Variants in DIABLO observed in about 807,000 individuals in gnomAD.
DIABLO encodes the protein diablo homolog, mitochondrial.
A neutral mutation model predicts 31.7 loss-of-function variants in DIABLO; 32 were observed. That is an observed-to-expected ratio of 1.01 (90% CI 0.76 to 1.35). DIABLO has a LOEUF of 1.35. Ranked by LOEUF, DIABLO falls within the 40% of genes most tolerant of loss-of-function variation. The pLI, the probability that DIABLO is intolerant of heterozygous loss-of-function variation, is 0.00. For missense variants in DIABLO, 316 were observed against 286.4 expected, an observed-to-expected ratio of 1.10 and a Z score of -0.75; for synonymous variants, 132 against 103.2, an observed-to-expected ratio of 1.28 and a Z score of -1.69.
chr12:122,223,950 G>A (rs572487211), intron 2 of DIABLO, among the ~76,000 whole-genome samples: 2 of 152,220 alleles, frequency 1.3e-5, no homozygotes, highest in South Asian at 2.1e-4. Context: ...AGAAGTGTGA[G>A]CCACCACACC....
chr12:122,218,061 G>C (rs1269764075), intron 3 of DIABLO, among the ~76,000 whole-genome samples: 1 of 151,888 alleles, frequency 6.6e-6, no homozygotes, highest in African/African-American at 2.4e-5. Flanking sequence ...TGAAGGGCCT[G>C]ACAGTAAATA....
chr12:122,225,077 G>A (rs1954423356), intron 1 of DIABLO: 1 of 346,644 alleles, frequency 2.9e-6, no homozygotes, highest in Non-Finnish European at 5.6e-6. Flanking sequence ...GCCCGGAGTG[G>A]TGGCACGCTC....
intron 5 of DIABLO, among the ~76,000 whole-genome samples, chr12:122,210,017 A>T (rs1470823680): frequency 6.6e-6 from 1 of 152,230 alleles, no homozygotes; most frequent in Non-Finnish European, 1.5e-5. Context: ...CTATGGATAT[A>T]TCATCTCAAA....
At chr12:122,208,619 G>A in intron 5 of DIABLO, 42 bp from the exon 6 acceptor site, 2 of 1,594,952 alleles carry the variant, frequency 1.3e-6, no homozygotes, top group Non-Finnish European at 1.7e-6. Flanking sequence ...GCCGTGCAGG[G>A]CGCGGAAGGC....
chr12:122,226,155 A>AG, upstream of DIABLO: 4 of 1,249,738 alleles, frequency 3.2e-6, no homozygotes, highest in Non-Finnish European at 4.5e-6. Flanking sequence ...TTGGGCAGGC[A>AG]GGGGGAAAGG....
chr12:122,215,134 A>G (rs1015783950), intron 5 of DIABLO, among the ~76,000 whole-genome samples: 7 of 152,194 alleles, frequency 4.6e-5, no homozygotes, highest in Non-Finnish European at 1.0e-4. Context: ...TCTACTAAAA[A>G]TACAAAAATT....
intron 5 of DIABLO, among the ~76,000 whole-genome samples, chr12:122,214,811 G>T (rs1954168816): frequency 1.3e-5 from 2 of 152,110 alleles, no homozygotes; most frequent in African/African-American, 4.8e-5. Context: ...CACCCCCTGG[G>T]TTCAAGCCAT....
At chr12:122,213,173 C>T (rs1029955789) in intron 5 of DIABLO, among the ~76,000 whole-genome samples, 11 of 150,330 alleles carry the variant, frequency 7.3e-5, no homozygotes, top group African/African-American at 9.8e-5. Context: ...TTAGGCATCC[C>T]GAAGTGCTGG....
In DIABLO at chr12:122,224,561, G is replaced by A. The variant is rs371193635; in HGVS notation, c.134C>T (p.Thr45Ile). Residue 45 changes from threonine to isoleucine, a missense_variant, in exon 2 of 6, where the codon ACT (threonine) becomes ATT (isoleucine). Transcript: ENST00000464942. ...GGTTACTCCAAAGCCAATCGTCACA[G>A]TTTTGTGCCATGGTCTTATCAATTC... ...FSELIRPWHK[T>I]VTIGFGVTLC... The A allele has an allele frequency of 6.2e-7, 1 of 1,613,902 alleles. No homozygotes were observed.
intron 2 of DIABLO, 36 bp downstream of exon 2, chr12:122,224,476 G>A (rs756013242): frequency 5.6e-6 from 9 of 1,613,326 alleles, no homozygotes; most frequent in African/African-American, 4.0e-5. Context: ...AAGAGGACAC[G>A]GTACACTAGA....
chr12:122,225,728 G>C, intron 1 of DIABLO: 1 of 1,425,714 alleles, frequency 7.0e-7, no homozygotes, highest in Non-Finnish European at 9.1e-7. Flanking sequence ...AAGGCAGCCC[G>C]GGGTCTCGGG....
rs1369452147 is a variant in DIABLO, at chr12:122,208,460, T to A, written c.641A>T (p.Glu214Val). 5.0e-6 allele frequency: 8 copies of A among 1,613,986 alleles called. No homozygotes were observed. In the Admixed American group the frequency reaches 1.2e-4, roughly 24 times the overall value. ...AETKLAEAQI[E>V]ELRQKTQEEG... is the part of the protein sequence containing the mutation. ...CTCCTGTGTTTTCTGACGGAGCTCT[T>A]CTATCTGTGCTTCTGCCAGCTTGGT... The change falls in exon 6 of 6, where the codon GAA becomes GTA. Residue 214 changes from glutamate (E) to valine (V), a missense_variant. Glu to Val is a moderately radical substitution (Grantham distance 121, BLOSUM62 -2). Transcript: ENST00000464942.
In DIABLO at chr12:122,208,192, A is replaced by C; in HGVS notation, c.*189T>G. The C allele has an allele frequency of 1.4e-6, 1 of 732,316 alleles. No homozygotes were observed. The highest frequency in any genetic ancestry group is 1.5e-5 in the South Asian group (1 of 67,472). 45.4% of individuals were successfully genotyped at this position (732,316 alleles called of 1,614,324 possible). On this transcript the variant is annotated 3_prime_UTR_variant, in exon 6 of 6. Transcript: ENST00000464942. ...CAGGGTGCAGTGCCCAAGGGCTAAGAACCAGGTCCAGCGCAAGCCTGAGAC... is the reference window on the plus strand; with the variant it reads ...CAGGGTGCAGTGCCCAAGGGCTAAGCACCAGGTCCAGCGCAAGCCTGAGAC...
intron 2 of DIABLO, among the ~76,000 whole-genome samples, chr12:122,219,737 C>T (rs1024991082): frequency 1.3e-5 from 2 of 151,362 alleles, no homozygotes; most frequent in South Asian, 4.2e-4. Context: ...GTGGTGGGCA[C>T]CTGTAGTCCC....
chr12:122,217,365 A>G, intron 3 of DIABLO: 1 of 184,078 alleles, frequency 5.4e-6, no homozygotes, highest in Non-Finnish European at 1.1e-5. Context: ...ATACAAAAAA[A>G]TTAGCCGGGC....
upstream of DIABLO, chr12:122,226,752 A>G (rs370446828): frequency 7.8e-5 from 44 of 563,696 alleles, 1 homozygote; most frequent in South Asian, 7.7e-4. Flanking sequence ...ATCCTTCTCA[A>G]CCCAAACTGC....
intron 2 of DIABLO, among the ~76,000 whole-genome samples, chr12:122,222,953 AC>A (rs1954367352): frequency 6.6e-6 from 1 of 151,598 alleles, no homozygotes; most frequent in African/African-American, 2.4e-5. Context: ...TAGAGAATAC[AC>A]CCGACAACCA....
rs1202041092 is a variant in DIABLO, at chr12:122,226,019, C to T, written c.-5G>A. On this transcript the variant is annotated 5_prime_UTR_variant, in exon 1 of 6. Transcript: ENST00000464942. ...CCAACTCTTCAGAGCCGCCATTGTG[C>T]AGCGCGCGGACGCCAGACGCACACG... The T allele has an allele frequency of 1.2e-6, 2 of 1,602,526 alleles. No homozygotes were observed. The highest frequency in any genetic ancestry group is 1.7e-5 in the Admixed American group (1 of 58,852).
chr12:122,218,933 TAAAA>T (rs1193774146), intron 2 of DIABLO, among the ~76,000 whole-genome samples: 5 of 91,436 alleles, frequency 5.5e-5, no homozygotes, highest in Admixed American at 1.3e-4. Flanking sequence ...AGAGCAAGAC[TAAAA>T]AAAAAAAAAA....
Sources: allele counts gnomAD v4.1 joint callset (sites outside exome capture counted in the v4.1 genomes callset), GRCh38; gene constraint gnomAD v4.1.1; transcripts MANE v1.5; gene names NCBI Gene and HGNC (gene_info 2026-07-23, HGNC 2026-07-21).